SVIP: variants seen among roughly 807,000 people sequenced by gnomAD.
SVIP encodes small VCP interacting protein.
Under a neutral mutation model 12.9 loss-of-function variants are expected in SVIP, and 14 were observed. That is an observed-to-expected ratio of 1.08 (90% CI 0.72 to 1.70). The LOEUF is 1.70. Among genes scored for constraint, SVIP ranks in the 40% most tolerant of loss-of-function variants. The pLI is 0.00. For synonymous variants in SVIP, 35 were observed against 33.3 expected, an observed-to-expected ratio of 1.05 and a Z score of -0.17; for missense variants, 93 against 90.8, an observed-to-expected ratio of 1.02 and a Z score of -0.10.
rs757309072 is a variant in SVIP at position 22,827,308 on chromosome 11, C to T, written c.118G>A (p.Gly40Arg). 3 of 1,594,582 alleles carry T rather than the reference C, an allele frequency of 1.9e-6. No individual in the cohort carries two copies. The highest frequency in any genetic ancestry group is 2.6e-6 in the Non-Finnish European group (3 of 1,173,564). Residue 40 changes from glycine to arginine, a missense_variant, in exon 3 of 4, where the codon GGA (glycine) becomes AGA (arginine). By Grantham distance (125) the Gly-to-Arg change is moderately radical. Transcript: ENST00000354193. ...TGCACAGATTGAACATCTAAAATTC[C>T]CCGAGATGCAGCCTTGAAGAAATTT... ...ERRQKEAASR[G>R]ILDVQSVQEK...
At chr11:22,823,569 C>T (rs1857557514) in intron 3 of SVIP, among the ~76,000 whole-genome samples, 1 of 152,296 alleles carries the variant, frequency 6.6e-6, no homozygotes. Flanking sequence ...GGTCATAAAA[C>T]CCAGGGCACT....
Position 22,822,814 on chromosome 11 carries a change from G to T in SVIP, c.*305C>A. On this transcript the variant is annotated 3_prime_UTR_variant, in exon 4 of 4. Transcript: ENST00000354193. Reference sequence around the variant, plus strand: ...GCGAATTTTAATCTTAGAGGTATATGCAGAATGTTTACATGCAGTGTATGT... The same window carrying T: ...GCGAATTTTAATCTTAGAGGTATATTCAGAATGTTTACATGCAGTGTATGT... The T allele has an allele frequency of 3.7e-6, 1 of 273,234 alleles. No individual in the cohort carries two copies. The highest frequency in any genetic ancestry group is 2.2e-5 in the African/African-American group (1 of 45,412). The allele number at this position is 273,234 out of a possible 1,614,324, so 16.9% of individuals were successfully genotyped here. A position where few individuals can be genotyped will look rare whatever the true frequency, so the allele number is the denominator to read the frequency against.
intron 3 of SVIP, 79 bp downstream of exon 3, chr11:22,827,128 G>A (rs1857739635): frequency 2.7e-6 from 3 of 1,120,030 alleles, no homozygotes; most frequent in Non-Finnish European, 4.0e-6. Context: ...CATTTCAGGA[G>A]AAAATTATGA....
chr11:22,825,401 T>C (rs773537641), intron 3 of SVIP, among the ~76,000 whole-genome samples: 49 of 152,122 alleles, frequency 3.2e-4, no homozygotes, highest in Non-Finnish European at 2.8e-4. Context: ...GCTAGTGTGG[T>C]AGTGGTAGGT....
chr11:22,823,752 CAG>C (rs1208172800), intron 3 of SVIP, among the ~76,000 whole-genome samples: 1 of 152,202 alleles, frequency 6.6e-6, no homozygotes, highest in East Asian at 1.9e-4. Flanking sequence ...TTTCTTGAGA[CAG>C]GGTCTCACTC....
chr11:22,829,663 G>A (rs572536180), intron 1 of SVIP, 32 bp downstream of exon 1: 5 of 1,562,704 alleles, frequency 3.2e-6, no homozygotes, highest in Non-Finnish European at 4.3e-6. Flanking sequence ...TCAAGGCGCG[G>A]CCCGGCGGAC....
Position 22,827,875 on chromosome 11 carries a change from C to T in SVIP, c.55-1G>A. 6.4e-7 allele frequency: 1 copy of T among 1,566,582 alleles called. No individual in the cohort carries two copies. Among genetic ancestry groups the T allele is most frequent in the Non-Finnish European group, 8.6e-7 (1 of 1,156,702 alleles). On this transcript the variant is annotated splice_acceptor_variant, in intron 1 of 3. Transcript: ENST00000354193. LOFTEE classifies it high-confidence loss of function. ...CTGCAAGCTTTGCTCTTTTCTCTTC[C>T]TAAATAAATGTGTAAAAATATGTAT... is the stretch of plus-strand genomic sequence containing the variant.
intron 1 of SVIP, 93 bp downstream of exon 1, chr11:22,829,602 G>C (rs1857874879): frequency 1.2e-5 from 16 of 1,351,218 alleles, no homozygotes; most frequent in Non-Finnish European, 1.6e-5. Flanking sequence ...CTCTCGACCT[G>C]CGCCACCAGG....
chr11:22,829,513 C>A, intron 1 of SVIP, 182 bp downstream of exon 1: 1 of 534,128 alleles, frequency 1.9e-6, no homozygotes, highest in Non-Finnish European at 3.3e-6. Context: ...ACGGAGGCGA[C>A]GGCCTAGGTC....
At chr11:22,829,533 GGACCCAAC>G in intron 1 of SVIP, 154 bp downstream of exon 1, 22 of 640,108 alleles carry the variant, frequency 3.4e-5, no homozygotes, top group Non-Finnish European at 5.5e-5. Flanking sequence ...CGCTCTGACA[GGACCCAAC>G]GACCCTCCTG....
Position 22,827,381 on chromosome 11 carries a change from ATT to A in SVIP, c.106-63_106-62del, listed in dbSNP as rs1857754588. 9 of 1,386,634 alleles carry A rather than the reference ATT, an allele frequency of 6.5e-6. No homozygotes were observed. In the South Asian group the frequency reaches 1.0e-4, roughly 16 times the overall value. 85.9% of individuals were successfully genotyped at this position (1,386,634 alleles called of 1,614,324 possible). Reference sequence around the variant, plus strand: ...CAAAAATCTGTCCAGTGTGCAAAACATTTTTTTGTCTATCTTTGCTTTCTAGG... The same window carrying A: ...CAAAAATCTGTCCAGTGTGCAAAACATTTTTGTCTATCTTTGCTTTCTAGG... On this transcript the variant is annotated intron_variant, in intron 2 of 3. Coordinates refer to ENST00000354193, the MANE Select transcript of SVIP (RefSeq NM_148893.3).
Position 22,819,312 on chromosome 11 carries a change from A to G in SVIP, c.*3807T>C, listed in dbSNP as rs575778473. The G allele has an allele frequency of 6.6e-6, 1 of 152,228 alleles. No individual in the cohort carries two copies. Among genetic ancestry groups the G allele is most frequent in the Non-Finnish European group, 1.5e-5 (1 of 68,042 alleles). 9.4% of individuals were successfully genotyped at this position (152,228 alleles called of 1,614,324 possible). A position where few individuals can be genotyped will look rare whatever the true frequency, so the allele number is the denominator to read the frequency against. ...TAACTCCTTGATATCTGACTTATGT[A>G]ACAAGATAAATTTCAGGGAAATAGC... On this transcript the variant is annotated 3_prime_UTR_variant, in exon 4 of 4. Transcript: ENST00000354193.
Position 22,821,083 on chromosome 11 carries a change from T to C in SVIP, c.*2036A>G, listed in dbSNP as rs1186283656. 6.7e-6 allele frequency: 1 copy of C among 148,374 alleles called. No individual in the cohort carries two copies. Among genetic ancestry groups the C allele is most frequent in the Non-Finnish European group, 1.5e-5 (1 of 67,348 alleles). 9.2% of individuals were successfully genotyped at this position (148,374 alleles called of 1,614,324 possible). On this transcript the variant is annotated 3_prime_UTR_variant, in exon 4 of 4. Coordinates refer to ENST00000354193, the MANE Select transcript of SVIP (RefSeq NM_148893.3). The stretch of plus-strand genomic sequence containing the variant: ...TGTATATACACACACATATATAAAT[T>C]AGAATTTGCAGATATTATGTGTATA...
Position 22,827,748 on chromosome 11 carries a change from C to G in SVIP, c.105+76G>C, listed in dbSNP as rs189002778. On this transcript the variant is annotated intron_variant, in intron 2 of 3. Transcript: ENST00000354193. ...TCAAAGGCCATTTGCGTTAGAAAAT[C>G]TAGCTATGGACATCTATGAAGAATA... The G allele has an allele frequency of 7.9e-5, 94 of 1,193,522 alleles. No homozygotes were observed. The African/African-American group carries it at 1.2e-3, about 15-fold the overall frequency. 73.9% of individuals were successfully genotyped at this position (1,193,522 alleles called of 1,614,324 possible).
chr11:22,829,417 G>C (rs1857860314), intron 1 of SVIP: 1 of 374,244 alleles, frequency 2.7e-6, no homozygotes, highest in African/African-American at 2.1e-5. Context: ...GCCCTATGAA[G>C]ATCCGGCGCA....
intron 1 of SVIP, 43 bp from the exon 2 acceptor site, chr11:22,827,917 AT>A: frequency 7.4e-7 from 1 of 1,343,050 alleles, no homozygotes; most frequent in Non-Finnish European, 1.0e-6. Context: ...AACAAACATT[AT>A]TATTAATAAA....
Position 22,821,334 on chromosome 11 carries a change from G to C in SVIP, c.*1785C>G, listed in dbSNP as rs563676505. 2 of 151,990 alleles carry C rather than the reference G, an allele frequency of 1.3e-5. No individual in the cohort carries two copies. 9.4% of individuals were successfully genotyped at this position (151,990 alleles called of 1,614,324 possible). Reference sequence around the variant, plus strand: ...AAAGCTGATCACACTCACGGTGACAGGCCATGGTTGGAAGTAACATGTTCC... The same window carrying C: ...AAAGCTGATCACACTCACGGTGACACGCCATGGTTGGAAGTAACATGTTCC... On this transcript the variant is annotated 3_prime_UTR_variant, in exon 4 of 4. Coordinates refer to ENST00000354193, the MANE Select transcript of SVIP (RefSeq NM_148893.3).
chr11:22,825,127 G>A (rs1312512511), intron 3 of SVIP, among the ~76,000 whole-genome samples: 1 of 151,990 alleles, frequency 6.6e-6, no homozygotes, highest in Non-Finnish European at 1.5e-5. Flanking sequence ...CATACTCTAG[G>A]TAGAGTCAGG....
chr11:22,821,913 A>G lies in SVIP; in HGVS notation c.*1206T>C, dbSNP rs898601857. 8 of 152,220 alleles carry G rather than the reference A, an allele frequency of 5.3e-5. No individual in the cohort carries two copies. The highest frequency in any genetic ancestry group is 1.9e-4 in the African/African-American group (8 of 41,460). 9.4% of individuals were successfully genotyped at this position (152,220 alleles called of 1,614,324 possible). A position where few individuals can be genotyped will look rare whatever the true frequency, so the allele number is the denominator to read the frequency against. On this transcript the variant is annotated 3_prime_UTR_variant, in exon 4 of 4. Transcript: ENST00000354193. ...ATAATTTTTGTTGGAGGGGTAGATGAAGATAGTGGCTCAGTTTCCTTTGTG... is the reference window on the plus strand; with the variant it reads ...ATAATTTTTGTTGGAGGGGTAGATGGAGATAGTGGCTCAGTTTCCTTTGTG...
Sources: gnomAD v4.1 joint callset for allele counts (sites outside exome capture counted in the v4.1 genomes callset) on GRCh38, gnomAD v4.1.1 for gene constraint, MANE v1.5 for transcripts, NCBI Gene and HGNC (gene_info 2026-07-23, HGNC 2026-07-21) for gene names.